Variants in CYP46A1 observed in about 807,000 individuals in gnomAD.
CYP46A1 encodes cholesterol 24-hydroxylase.
Under a neutral mutation model 63.3 loss-of-function variants are expected in CYP46A1, and 20 were observed. The observed-to-expected ratio is 0.32, with a 90% CI of 0.22 to 0.46. The LOEUF (loss-of-function observed/expected upper bound fraction) is 0.46. CYP46A1 is among the 20% of genes least tolerant of loss of function. CYP46A1 has a pLI of 1.00. For synonymous variants in CYP46A1, 268 were observed against 273.6 expected (o/e 0.98, Z 0.20); for missense variants, 445 against 670.8 (o/e 0.66, Z 3.72).
intron 7 of CYP46A1, among the ~76,000 whole-genome samples, chr14:99,714,515 C>A (rs35110752): frequency 0.31 from 46,445 of 152,030 alleles, 7,564 homozygotes; most frequent in South Asian, 0.39. Flanking sequence ...AATCCCAGCA[C>A]TTTGGAAGGC....
chr14:99,721,356 A>T, intron 11 of CYP46A1, 33 bp downstream of exon 11: 1 of 1,429,098 alleles, frequency 7.0e-7, no homozygotes, highest in Non-Finnish European at 9.9e-7. Flanking sequence ...TTCTGGGCGG[A>T]TGTGGGTGAT....
Position 99,699,515 on chromosome 14 carries a change from C to A in CYP46A1, c.332C>A (p.Ala111Glu). The change falls in exon 4 of 15, where the codon GCG becomes GAG. Residue 111 changes from alanine (A) to glutamate (E), a missense_variant. Physicochemically the swap from Ala to Glu is moderately radical, Grantham distance 107 (BLOSUM62 -1). This residue lies in a region of CYP46A1 where 252 missense variants were observed against 383.3 expected (regional missense o/e 0.66). Coordinates refer to ENST00000261835, the MANE Select transcript of CYP46A1 (RefSeq NM_006668.2). ...KYNKDSKMYRALQTVFGERLF... is the reference protein window; with the variant it reads ...KYNKDSKMYRELQTVFGERLF... ...AACAAGGACTCCAAGATGTACCGTG[C>A]GCTCCAGACTGTGTTTGGTGAGAGG... The A allele has an allele frequency of 6.2e-7, 1 of 1,614,080 alleles. No homozygotes were observed.
chr14:99,713,865 C>CAAAAAA (rs71113218), intron 7 of CYP46A1, among the ~76,000 whole-genome samples: 57 of 67,532 alleles, frequency 8.4e-4, no homozygotes, highest in African/African-American at 1.5e-3. Context: ...GACTCCATCT[C>CAAAAAA]AAAAAAAAAA....
rs572288409 is a variant in CYP46A1 at position 99,690,977 on chromosome 14, G to T, written c.120-104G>T. The T allele has an allele frequency of 3.8e-5, 41 of 1,086,696 alleles. No individual in the cohort carries two copies. In the African/African-American group the frequency reaches 5.0e-4, roughly 13 times the overall value. 67.3% of individuals were successfully genotyped at this position (1,086,696 alleles called of 1,614,324 possible). A position where few individuals can be genotyped will look rare whatever the true frequency, so the allele number is the denominator to read the frequency against. On this transcript the variant is annotated intron_variant, in intron 1 of 14. Transcript: ENST00000261835. ...CAGTGCTGTAACCTCCCCATGCCTCGGTCCTCCTGTCTGTGAAGTGGGCCT... is the reference window on the plus strand; with the variant it reads ...CAGTGCTGTAACCTCCCCATGCCTCTGTCCTCCTGTCTGTGAAGTGGGCCT...
intron 14 of CYP46A1, 149 bp downstream of exon 14, chr14:99,726,405 T>C: frequency 8.6e-7 from 1 of 1,157,724 alleles, no homozygotes; most frequent in African/African-American, 1.6e-5. Flanking sequence ...GGACTGGCTG[T>C]GTTTTGCACG....
In CYP46A1 at chr14:99,722,601, G is replaced by A. The variant is rs6575744; in HGVS notation, c.1176+535G>A. On this transcript the variant is annotated intron_variant, in intron 12 of 14. Coordinates refer to ENST00000261835, the MANE Select transcript of CYP46A1 (RefSeq NM_006668.2). This position sits in a 1 kb window ranked among gnomAD's most constrained non-coding sequence, Gnocchi z 4.6. ...CTAGGATATAGTCACTCCCTGCTCC[G>A]CTGACAAGGAATCACTAATCTGAAT... Among the ~76,000 whole-genome samples the A allele has an allele frequency of 1.3e-5, 2 of 151,620 alleles. No individual in the cohort carries two copies. Among genetic ancestry groups the A allele is most frequent in the Non-Finnish European group, 2.9e-5 (2 of 68,006 alleles).
Position 99,699,997 on chromosome 14 carries a change from C to G in CYP46A1, c.357-18C>G. ...ACCCCCCACCCTCTTTCCCGCATCA[C>G]GTGTGTGTCTCCTACAGACTCTTCG... On this transcript the variant is annotated intron_variant, in intron 4 of 14. Transcript: ENST00000261835. 1 of 1,057,818 alleles carries G rather than the reference C, an allele frequency of 9.5e-7. No homozygotes were observed. 65.5% of individuals were successfully genotyped at this position (1,057,818 alleles called of 1,614,324 possible). A position where few individuals can be genotyped will look rare whatever the true frequency, so the allele number is the denominator to read the frequency against.
At chr14:99,696,303 C>T (rs939057073) in intron 3 of CYP46A1, among the ~76,000 whole-genome samples, 9 of 152,064 alleles carry the variant, frequency 5.9e-5, no homozygotes, top group Admixed American at 5.2e-4. Flanking sequence ...GACAGGATCT[C>T]ACTCTGTTCC....
At chr14:99,707,480 G>A in intron 6 of CYP46A1, 88 bp from the exon 7 acceptor site, 1 of 1,002,644 alleles carries the variant, frequency 1.0e-6, no homozygotes, top group Non-Finnish European at 1.6e-6. Flanking sequence ...CCAGAGTCCA[G>A]GTGTCTAGCA....
chr14:99,707,748 T>C, intron 7 of CYP46A1, 70 bp downstream of exon 7: 2 of 1,363,292 alleles, frequency 1.5e-6, no homozygotes, highest in Admixed American at 4.5e-5. Context: ...AAGAACCTCC[T>C]TCAGTGATTT....
rs561889886 is a variant in CYP46A1, at chr14:99,699,401, C to T, written c.283-65C>T. ...AATGGTGATTATTTGGGGCATGTCT[C>T]AGAAGAGCATCTTGCAGCTACTCAT... On this transcript the variant is annotated intron_variant, in intron 3 of 14. Coordinates refer to ENST00000261835, the MANE Select transcript of CYP46A1 (RefSeq NM_006668.2). 19 of 1,488,764 alleles carry T rather than the reference C, an allele frequency of 1.3e-5. No homozygotes were observed. The African/African-American group carries it at 1.7e-4, about 13-fold the overall frequency. 92.2% of individuals were successfully genotyped at this position (1,488,764 alleles called of 1,614,324 possible). A position where few individuals can be genotyped will look rare whatever the true frequency, so the allele number is the denominator to read the frequency against.
intron 11 of CYP46A1, 31 bp downstream of exon 11, chr14:99,721,354 G>C (rs780691536): frequency 2.0e-5 from 28 of 1,435,632 alleles, no homozygotes; most frequent in Non-Finnish European, 2.7e-5. Flanking sequence ...GCTTCTGGGC[G>C]GATGTGGGTG....
rs376768277 is a variant in CYP46A1 at position 99,691,207 on chromosome 14, G to T, written c.200+46G>T. 11 of 1,595,830 alleles carry T rather than the reference G, an allele frequency of 6.9e-6. No individual in the cohort carries two copies. In the African/African-American group the frequency reaches 1.5e-4, roughly 21 times the overall value. On this transcript the variant is annotated intron_variant, in intron 2 of 14. Coordinates refer to ENST00000261835, the MANE Select transcript of CYP46A1 (RefSeq NM_006668.2). ...TGTTGCCCTTACTCCAGGTTCCCTTGGGGCAGCTCCCCCAACCCAATCCAG... is the reference window on the plus strand; with the variant it reads ...TGTTGCCCTTACTCCAGGTTCCCTTTGGGCAGCTCCCCCAACCCAATCCAG...
rs375832012 is a variant in CYP46A1, at chr14:99,718,037, G to A, written c.908-17G>A. On this transcript the variant is annotated splice_polypyrimidine_tract_variant and intron_variant, in intron 9 of 14. Transcript: ENST00000261835. ...TGTGGCCCCATGTGGAGCAACCACC[G>A]TCCTCCCTTCCCACAGGTCACGAGA... 1.3e-4 allele frequency: 205 copies of A among 1,609,320 alleles called. No homozygotes were observed. Among genetic ancestry groups the A allele is most frequent in the South Asian group, 1.2e-3 (108 of 90,896 alleles).
chr14:99,691,251 C>T (rs1410748855), intron 2 of CYP46A1, 90 bp downstream of exon 2: 33 of 1,282,952 alleles, frequency 2.6e-5, no homozygotes, highest in Non-Finnish European at 3.4e-5. Context: ...CTCCCAGCCT[C>T]ACCTTCCCCT....
chr14:99,713,484 T>TA (rs1249804845), intron 7 of CYP46A1: 2 of 149,346 alleles, frequency 1.3e-5, no homozygotes, highest in Non-Finnish European at 3.0e-5. Context: ...CCTGCAACCA[T>TA]AAAAACACTA....
At chr14:99,699,350 G>A in intron 3 of CYP46A1, 116 bp from the exon 4 acceptor site, 1 of 929,430 alleles carries the variant, frequency 1.1e-6, no homozygotes, top group Admixed American at 1.7e-5. Context: ...CATGGGAAGT[G>A]GGCACACTGC....
chr14:99,699,067 T>G (rs2056608699), intron 3 of CYP46A1, among the ~76,000 whole-genome samples: 1 of 152,106 alleles, frequency 6.6e-6, no homozygotes, highest in Admixed American at 6.5e-5. Context: ...GTGTGCCAAG[T>G]GCCCTTCCTG....
Position 99,725,272 on chromosome 14 carries a change from G to A in CYP46A1, c.1177-119G>A, listed in dbSNP as rs372299965. 2.8e-6 allele frequency: 2 copies of A among 723,732 alleles called. No individual in the cohort carries two copies. Among genetic ancestry groups the A allele is most frequent in the African/African-American group, 1.7e-5 (1 of 57,344 alleles). 44.8% of individuals were successfully genotyped at this position (723,732 alleles called of 1,614,324 possible). Reference sequence around the variant, plus strand: ...CAACCTAGATGAGGGGTGAAGACATGGGGGGAGGAGAGTGGGACCCACTCT... The same window carrying A: ...CAACCTAGATGAGGGGTGAAGACATAGGGGGAGGAGAGTGGGACCCACTCT... On this transcript the variant is annotated intron_variant, in intron 12 of 14. Transcript: ENST00000261835. The surrounding 1 kb of genome is among the most constrained non-coding windows in gnomAD (Gnocchi z 4.2).
Sources: allele counts gnomAD v4.1 joint callset (sites outside exome capture counted in the v4.1 genomes callset), GRCh38; gene constraint gnomAD v4.1.1; regional missense constraint gnomAD v4.1.1; non-coding constraint Gnocchi (gnomAD v3.1); transcripts MANE v1.5; gene names NCBI Gene and HGNC (gene_info 2026-07-23, HGNC 2026-07-21).